RAB3GAP1: variants seen among roughly 807,000 people sequenced by gnomAD.
The protein encoded by RAB3GAP1 is rab3 GTPase-activating protein catalytic subunit.
In RAB3GAP1, 86 loss-of-function variants were observed where a neutral mutation model predicts 130.7. The ratio of observed to expected loss-of-function variants is 0.66; its 90% CI spans 0.55 to 0.79. RAB3GAP1 has a LOEUF of 0.79. RAB3GAP1 is among the 30% of genes least tolerant of loss of function. RAB3GAP1 has a pLI of 0.00. For synonymous variants in RAB3GAP1, 367 were observed against 401.7 expected (o/e 0.91, Z 1.03); for missense variants, 1,029 against 1,169.4 (o/e 0.88, Z 1.75).
chr2:135,120,869 C>A lies in RAB3GAP1; in HGVS notation c.699C>A (p.Thr233=), dbSNP rs1350498995. 1 of 1,613,214 alleles carries A rather than the reference C, an allele frequency of 6.2e-7. No individual in the cohort carries two copies. The highest frequency in any genetic ancestry group is 1.7e-5 in the Admixed American group (1 of 59,994). The part of the protein sequence containing the change: ...LPPVSIAIRF[T]YVLQDWQQYF... ...CAGTTAGTATTGCTATTCGATTTAC[C>A]TATGTACTTCAAGATTGGCAGCAGT... The change falls in exon 8 of 24, where the codon ACC becomes ACA. Residue 233 remains threonine (T), a synonymous_variant. Transcript: ENST00000264158.
At position 135,115,266 on chromosome 2, in the gene RAB3GAP1, TAGG is replaced by T; in HGVS notation, c.536_538del (p.Gly179del). ...CACCACAAATGGCGAAGAATGTATG[TAGG>T]AGAATGTCAAGGTCCTGGTGTACGA... is the stretch of plus-strand genomic sequence containing the variant. On this transcript the variant is annotated inframe_deletion, in exon 7 of 24. Transcript: ENST00000264158. The T allele has an allele frequency of 1.2e-6, 2 of 1,613,158 alleles. No homozygotes were observed. Among genetic ancestry groups the T allele is most frequent in the Non-Finnish European group, 1.7e-6 (2 of 1,179,144 alleles).
intron 3 of RAB3GAP1, among the ~76,000 whole-genome samples, chr2:135,063,703 T>G (rs1361253505): frequency 6.6e-6 from 1 of 152,204 alleles, no homozygotes; most frequent in East Asian, 1.9e-4. Context: ...TATATCACAT[T>G]TTGTTTATCT....
intron 17 of RAB3GAP1, among the ~76,000 whole-genome samples, chr2:135,148,399 T>G (rs1228731333): frequency 6.6e-6 from 1 of 151,936 alleles, no homozygotes; most frequent in Non-Finnish European, 1.5e-5. Flanking sequence ...AATACATGGC[T>G]AGAAAAAGTT....
At chr2:135,062,123 A>G (rs1314958775) in intron 3 of RAB3GAP1, among the ~76,000 whole-genome samples, 7 of 151,902 alleles carry the variant, frequency 4.6e-5, no homozygotes, top group South Asian at 2.1e-4. Context: ...CATGTTGGCC[A>G]GGCTGGTCTT....
intron 11 of RAB3GAP1, among the ~76,000 whole-genome samples, chr2:135,129,486 G>A (rs1691465298): frequency 6.6e-6 from 1 of 151,314 alleles, no homozygotes; most frequent in Non-Finnish European, 1.5e-5. Context: ...AAAAATAATA[G>A]TAATAATGAC....
chr2:135,109,136 T>C (rs1690717809), intron 5 of RAB3GAP1, among the ~76,000 whole-genome samples: 1 of 150,622 alleles, frequency 6.6e-6, no homozygotes, highest in Non-Finnish European at 1.5e-5. Flanking sequence ...TCTTCTTCAA[T>C]ATTTTATTGG....
At position 135,132,970 on chromosome 2, in the gene RAB3GAP1, G is replaced by A; in HGVS notation, c.1312G>A (p.Glu438Lys). The change falls in exon 14 of 24, where the codon GAG becomes AAG. Residue 438 changes from glutamate (E) to lysine (K), a missense_variant. Glu to Lys is a moderately conservative substitution (Grantham distance 56). Coordinates refer to ENST00000264158, the MANE Select transcript of RAB3GAP1 (RefSeq NM_012233.3). ...TSTDNNNPPS[E>K]SEDYNLYNQF... Reference sequence around the variant, plus strand: ...AACAGATAATAATAATCCTCCATCAGAGAGTGAAGACTATGTAAGTTGATG... The same window carrying A: ...AACAGATAATAATAATCCTCCATCAAAGAGTGAAGACTATGTAAGTTGATG... 6.4e-7 allele frequency: 1 copy of A among 1,554,872 alleles called. No homozygotes were observed. Among genetic ancestry groups the A allele is most frequent in the Non-Finnish European group, 8.9e-7 (1 of 1,126,684 alleles).
rs185870353 is a variant in RAB3GAP1 at position 135,098,328 on chromosome 2, G to A, written c.362+4635G>A. Among the ~76,000 whole-genome samples, 59 of 152,106 alleles carry A rather than the reference G, an allele frequency of 3.9e-4. 1 individual carries two copies. The East Asian group carries it at 0.01, about 27-fold the overall frequency. On this transcript the variant is annotated intron_variant, in intron 5 of 23. Transcript: ENST00000264158. ...TTTTCTAGAAAAGACAGCACTAAGA[G>A]AAATGAAAAGATTATCTGTAACAGA...
rs1692585919 is a variant in RAB3GAP1, at chr2:135,164,810, C to G, written c.2709+114C>G. 3 of 790,922 alleles carry G rather than the reference C, an allele frequency of 3.8e-6. No individual in the cohort carries two copies. The Admixed American group carries it at 6.1e-5, about 16-fold the overall frequency. The allele number at this position is 790,922 out of a possible 1,614,324, so 49.0% of individuals were successfully genotyped here. On this transcript the variant is annotated intron_variant, in intron 23 of 23. Transcript: ENST00000264158. ...ACACTCATGTCACCTGAGTGTAAGTCTGGGCATTGGGTTTGAACACTGAAG... is the reference window on the plus strand; with the variant it reads ...ACACTCATGTCACCTGAGTGTAAGTGTGGGCATTGGGTTTGAACACTGAAG...
At chr2:135,111,334 AG>A (rs1206794480) in intron 5 of RAB3GAP1, among the ~76,000 whole-genome samples, 1 of 152,146 alleles carries the variant, frequency 6.6e-6, no homozygotes, top group African/African-American at 2.4e-5. Context: ...AAGAGTGAAT[AG>A]GAGAGGAATT....
intron 17 of RAB3GAP1, among the ~76,000 whole-genome samples, chr2:135,142,241 G>T (rs1691864986): frequency 6.6e-6 from 1 of 152,024 alleles, no homozygotes; most frequent in African/African-American, 2.4e-5. Context: ...CAATGTAGAG[G>T]TCTTACATAT....
chr2:135,155,646 A>T (rs1049872808), intron 19 of RAB3GAP1, among the ~76,000 whole-genome samples: 3 of 152,182 alleles, frequency 2.0e-5, no homozygotes, highest in Non-Finnish European at 4.4e-5. Context: ...GGGAAAATAC[A>T]AATTGAAAGT....
chr2:135,088,688 CAAA>C (rs1162700077), intron 3 of RAB3GAP1, among the ~76,000 whole-genome samples: 3 of 55,714 alleles, frequency 5.4e-5, no homozygotes, highest in Non-Finnish European at 8.6e-5. Context: ...GACTCCATCT[CAAA>C]AAAAAAAAAA....
chr2:135,080,477 AT>A (rs1689762544), intron 3 of RAB3GAP1, among the ~76,000 whole-genome samples: 1 of 152,178 alleles, frequency 6.6e-6, no homozygotes, highest in Non-Finnish European at 1.5e-5. Context: ...AGGAGTATAG[AT>A]TTTGACTGCT....
rs6727598 is a variant in RAB3GAP1 at position 135,072,766 on chromosome 2, A to G, written c.150+14680A>G. Among the ~76,000 whole-genome samples the G allele has an allele frequency of 1.0e-2, 1,523 of 152,306 alleles. 23 individuals are homozygous for G. The highest frequency in any genetic ancestry group is 0.035 in the African/African-American group (1,450 of 41,554). On this transcript the variant is annotated intron_variant, in intron 3 of 23. Transcript: ENST00000264158. ...CTTTTTTATAACCTTCCTTACCAAA[A>G]ATACCTCTTTACCATTATAACCTTT...
chr2:135,097,113 T>G (rs1227969895), intron 5 of RAB3GAP1, among the ~76,000 whole-genome samples: 3 of 151,718 alleles, frequency 2.0e-5, no homozygotes, highest in African/African-American at 7.3e-5. Flanking sequence ...AGTATCAAAA[T>G]CAGGAGATAG....
At chr2:135,149,108 C>T (rs1049497470) in intron 17 of RAB3GAP1, among the ~76,000 whole-genome samples, 2 of 152,136 alleles carry the variant, frequency 1.3e-5, no homozygotes, top group Non-Finnish European at 2.9e-5. Flanking sequence ...GCTCAAATTT[C>T]CAAGTGGGAG....
intron 3 of RAB3GAP1, among the ~76,000 whole-genome samples, chr2:135,059,846 A>G (rs558763804): frequency 6.6e-6 from 1 of 152,280 alleles, no homozygotes; most frequent in South Asian, 2.1e-4. Context: ...CATAAATAAG[A>G]TACAGAAAAT....
Position 135,168,607 on chromosome 2 carries a change from G to A in RAB3GAP1, c.2772G>A (p.Arg924=), listed in dbSNP as rs1401657026. The part of the protein sequence containing the change: ...LKRMGSPEER[R]QNSVSDFPPP... ...GAATGGGCTCCCCAGAGGAAAGAAG[G>A]CAGAACTCCGTGTCAGACTTCCCAC... Residue 924 remains arginine (R), a synonymous_variant, in exon 24 of 24, where the codon AGG becomes AGA. Transcript: ENST00000264158. The A allele has an allele frequency of 6.2e-7, 1 of 1,614,192 alleles. No individual in the cohort carries two copies. Among genetic ancestry groups the A allele is most frequent in the Non-Finnish European group, 8.5e-7 (1 of 1,180,042 alleles).
Sources: allele counts gnomAD v4.1 joint callset (sites outside exome capture counted in the v4.1 genomes callset), GRCh38; gene constraint gnomAD v4.1.1; transcripts MANE v1.5; gene names NCBI Gene and HGNC (gene_info 2026-07-23, HGNC 2026-07-21).